GTF2F2: variants seen among roughly 807,000 people sequenced by gnomAD.
GTF2F2 encodes ATP-dependent helicase GTF2F2.
GTF2F2 carries 23 observed loss-of-function variants against 42.2 expected under a neutral mutation model. That is an observed-to-expected ratio of 0.55 (90% confidence interval 0.39 to 0.77). GTF2F2 has a LOEUF of 0.77. Among genes scored for constraint, GTF2F2 ranks in the 30% least tolerant of loss-of-function variants. GTF2F2 has a pLI of 0.00. For missense variants in GTF2F2, 261 were observed against 287.2 expected, an observed-to-expected ratio of 0.91 and a Z score of 0.66; for synonymous variants, 105 against 100.8, an observed-to-expected ratio of 1.04 and a Z score of -0.25.
chr13:45,190,081 GA>G (rs1165271886), intron 4 of GTF2F2, among the ~76,000 whole-genome samples: 2 of 151,866 alleles, frequency 1.3e-5, no homozygotes, highest in African/African-American at 2.4e-5. Context: ...CAGAATGGGA[GA>G]AAATTTTTGC....
chr13:45,245,669 ATATAT>A (rs1566149407), intron 5 of GTF2F2, among the ~76,000 whole-genome samples: 863 of 31,130 alleles, frequency 0.028, 10 homozygotes, highest in South Asian at 0.11. Flanking sequence ...TGGTGTGAAT[ATATAT>A]ATATATATAT....
At chr13:45,147,722 C>G (rs1179343500) in intron 2 of GTF2F2, among the ~76,000 whole-genome samples, 1 of 152,190 alleles carries the variant, frequency 6.6e-6, no homozygotes, top group Non-Finnish European at 1.5e-5. Context: ...AATCTGGAAT[C>G]CTTAGTCTGT....
intron 6 of GTF2F2, among the ~76,000 whole-genome samples, chr13:45,261,858 A>C (rs997971428): frequency 2.6e-5 from 4 of 152,242 alleles, no homozygotes; most frequent in African/African-American, 9.6e-5. Flanking sequence ...TGTAGTGTCA[A>C]GTTGTGAATA....
chr13:45,258,688 T>C (rs993790613), intron 6 of GTF2F2, among the ~76,000 whole-genome samples: 4 of 152,244 alleles, frequency 2.6e-5, no homozygotes, highest in African/African-American at 9.6e-5. Context: ...AACGAAAACG[T>C]ATTTTGTAGT....
chr13:45,156,287 G>A (rs377402740), intron 4 of GTF2F2, among the ~76,000 whole-genome samples: 2 of 152,206 alleles, frequency 1.3e-5, no homozygotes. Flanking sequence ...AAAAGCATGT[G>A]TACTTTGCCT....
chr13:45,197,468 C>T (rs948752611), intron 4 of GTF2F2, among the ~76,000 whole-genome samples: 7 of 147,888 alleles, frequency 4.7e-5, no homozygotes, highest in African/African-American at 1.8e-4. Context: ...GAGATAGCGC[C>T]ACTGCACTCC....
At chr13:45,139,575 C>T (rs1231250490) in intron 2 of GTF2F2, among the ~76,000 whole-genome samples, 1 of 152,140 alleles carries the variant, frequency 6.6e-6, no homozygotes, top group Non-Finnish European at 1.5e-5. Flanking sequence ...ATTTTCTGGC[C>T]ACCATATGTA....
chr13:45,268,600 A>C (rs1028593855), intron 7 of GTF2F2, among the ~76,000 whole-genome samples: 1 of 152,090 alleles, frequency 6.6e-6, no homozygotes, highest in Non-Finnish European at 1.5e-5. Flanking sequence ...CTAGATTAAA[A>C]ATTTTTTTTG....
chr13:45,162,554 C>G (rs541027469), intron 4 of GTF2F2, among the ~76,000 whole-genome samples: 1 of 152,326 alleles, frequency 6.6e-6, no homozygotes, highest in East Asian at 1.9e-4. Flanking sequence ...TGAGCCAGGT[C>G]TGCTCTCTGA....
intron 5 of GTF2F2, among the ~76,000 whole-genome samples, chr13:45,227,014 C>A (rs1874392329): frequency 6.6e-6 from 1 of 152,046 alleles, no homozygotes; most frequent in African/African-American, 2.4e-5. Context: ...GGTGGGAGAT[C>A]TCTTGAACCT....
At chr13:45,121,069 C>T (rs1252980179) in intron 1 of GTF2F2, among the ~76,000 whole-genome samples, 3 of 152,152 alleles carry the variant, frequency 2.0e-5, no homozygotes, top group Non-Finnish European at 4.4e-5. Flanking sequence ...TGGTTTTAGC[C>T]ATGAGCCTGC....
chr13:45,239,112 GCCTC>G (rs1875150442), intron 5 of GTF2F2, among the ~76,000 whole-genome samples: 1 of 152,152 alleles, frequency 6.6e-6, no homozygotes, highest in Non-Finnish European at 1.5e-5. Flanking sequence ...TGAGCTGCCT[GCCTC>G]CCTGGCCCCT....
intron 1 of GTF2F2, 107 bp downstream of exon 1, chr13:45,120,828 C>A: frequency 2.7e-6 from 2 of 745,232 alleles, no homozygotes; most frequent in East Asian, 2.8e-5. Context: ...TTACGGCTAT[C>A]TCGTTAGAGC....
intron 5 of GTF2F2, among the ~76,000 whole-genome samples, chr13:45,221,946 A>G (rs1874138080): frequency 6.6e-6 from 1 of 152,092 alleles, no homozygotes. Flanking sequence ...TTCAGTTGGT[A>G]GCCCCCTTCC....
intron 4 of GTF2F2, among the ~76,000 whole-genome samples, chr13:45,175,748 G>A (rs766207340): frequency 3.9e-5 from 6 of 152,024 alleles, no homozygotes; most frequent in Non-Finnish European, 7.4e-5. Flanking sequence ...TCAGCCTCCC[G>A]AGTAGCTGGG....
intron 5 of GTF2F2, among the ~76,000 whole-genome samples, chr13:45,245,698 T>TATATATATATATATAC (rs1555271471): frequency 3.2e-5 from 2 of 61,970 alleles, no homozygotes; most frequent in African/African-American, 3.5e-4. Context: ...TATATATATA[T>TATATATATATATATAC]ATACATATAC....
intron 5 of GTF2F2, among the ~76,000 whole-genome samples, chr13:45,235,930 T>A (rs1438503694): frequency 6.6e-6 from 1 of 152,032 alleles, no homozygotes; most frequent in Non-Finnish European, 1.5e-5. Flanking sequence ...TGTATTAACC[T>A]TTGCTGTAAG....
intron 5 of GTF2F2, among the ~76,000 whole-genome samples, chr13:45,222,121 TG>T (rs1368646945): frequency 1.3e-5 from 2 of 152,198 alleles, no homozygotes; most frequent in African/African-American, 4.8e-5. Context: ...CTTACCATTG[TG>T]TGACTACCTT....
intron 2 of GTF2F2, among the ~76,000 whole-genome samples, chr13:45,148,948 A>G (rs992620132): frequency 6.6e-6 from 1 of 152,170 alleles, no homozygotes; most frequent in Admixed American, 6.5e-5. Context: ...ATGTGGGCAT[A>G]TATTGTTTTA....
Sources: gnomAD v4.1 joint callset for allele counts (sites outside exome capture counted in the v4.1 genomes callset) on GRCh38, gnomAD v4.1.1 for gene constraint, MANE v1.5 for transcripts, NCBI Gene and HGNC (gene_info 2026-07-23, HGNC 2026-07-21) for gene names.